The following VPS13C variants were observed in gnomAD, a reference collection of about 807,000 sequenced individuals.
VPS13C encodes the protein vacuolar protein sorting 13 homolog C, also known as intermembrane lipid transfer protein VPS13C.
Under a neutral mutation model 456.8 loss-of-function variants are expected in VPS13C, and 358 were observed. That is an observed-to-expected ratio of 0.78 (90% CI 0.72 to 0.86). The LOEUF (loss-of-function observed/expected upper bound fraction) is 0.86. VPS13C is among the 40% of genes least tolerant of loss of function. The pLI is 0.00. For missense variants in VPS13C, 4,818 were observed against 4,385.4 expected (o/e 1.10, Z -2.79); for synonymous variants, 1,578 against 1,486.7 (o/e 1.06, Z -1.41).
At position 61,962,828 on chromosome 15, in the gene VPS13C, T is replaced by C; in HGVS notation, c.3356A>G (p.Gln1119Arg). 6.2e-7 allele frequency: 1 copy of C among 1,605,532 alleles called. No homozygotes were observed. Among genetic ancestry groups the C allele is most frequent in the Non-Finnish European group, 8.5e-7 (1 of 1,174,680 alleles). ...IQGLDSSLSL[Q>R]SRKQSLFARL... ...GGCAAAAAGTGACTGCTTTCTTGACTGGAGAGAAAGGGAGGAATCCAGTCC... is the reference window on the plus strand; with the variant it reads ...GGCAAAAAGTGACTGCTTTCTTGACCGGAGAGAAAGGGAGGAATCCAGTCC... The change falls in exon 33 of 85, where the codon CAG (glutamine) becomes CGG (arginine). Residue 1119 changes from glutamine to arginine, a missense_variant. By Grantham distance (43) the Gln-to-Arg change is conservative (BLOSUM62 1). Around this residue, in one of 3 missense-constraint regions of VPS13C, gnomAD observed 4,552 missense variants for 4,130.6 expected, o/e 1.10. Transcript: ENST00000644861.
chr15:62,001,897 T>A (rs913392650), intron 15 of VPS13C, among the ~76,000 whole-genome samples: 3 of 152,240 alleles, frequency 2.0e-5, no homozygotes, highest in African/African-American at 7.2e-5. Context: ...ATGTGCCACA[T>A]TTTCTTAATC....
intron 14 of VPS13C, among the ~76,000 whole-genome samples, chr15:62,007,783 T>A (rs899243710): frequency 6.6e-6 from 1 of 152,178 alleles, no homozygotes; most frequent in Non-Finnish European, 1.5e-5. Flanking sequence ...ATAAAACTTT[T>A]ATAAAAATGT....
At chr15:61,963,998 C>T (rs1295514064) in intron 31 of VPS13C, 47 bp from the exon 32 acceptor site, 1 of 1,256,008 alleles carries the variant, frequency 8.0e-7, no homozygotes, top group Admixed American at 1.9e-5. Flanking sequence ...TTCTAGTCAT[C>T]TACATTCTTT....
At chr15:61,859,058 A>G (rs1249796912) in intron 82 of VPS13C, among the ~76,000 whole-genome samples, 1 of 152,208 alleles carries the variant, frequency 6.6e-6, no homozygotes, top group African/African-American at 2.4e-5. Flanking sequence ...GTGAGAAGCT[A>G]CAAGTGATAT....
At chr15:61,923,193 G>A (rs2043718273) in intron 53 of VPS13C, among the ~76,000 whole-genome samples, 1 of 144,476 alleles carries the variant, frequency 6.9e-6, no homozygotes, top group Non-Finnish European at 1.5e-5. Flanking sequence ...ATATCGGTAT[G>A]CAACAAGATC....
intron 67 of VPS13C, among the ~76,000 whole-genome samples, chr15:61,884,912 C>T (rs962211123): frequency 6.6e-6 from 1 of 152,026 alleles, no homozygotes; most frequent in East Asian, 1.9e-4. Context: ...CTATTAAATT[C>T]TTCTCTTGAT....
chr15:61,964,622 T>C (rs1163004932), intron 31 of VPS13C, 77 bp downstream of exon 31: 8 of 1,332,134 alleles, frequency 6.0e-6, no homozygotes, highest in African/African-American at 4.4e-5. Context: ...CTGAGTCAGA[T>C]AGTCTCTAGT....
chr15:61,875,828 A>G lies in VPS13C; in HGVS notation c.10242T>C (p.Tyr3414=). 1 of 1,591,402 alleles carries G rather than the reference A, an allele frequency of 6.3e-7. No individual in the cohort carries two copies. Among genetic ancestry groups the G allele is most frequent in the Non-Finnish European group, 8.5e-7 (1 of 1,173,426 alleles). The change falls in exon 76 of 85, where the codon TAT becomes TAC. Residue 3414 remains tyrosine (Y), a synonymous_variant. Coordinates refer to ENST00000644861, the MANE Select transcript of VPS13C (RefSeq NM_020821.3). ...GTACATCTAACCCCAATACAAGGAC[A>G]TACATCTGTTTCAAGAACTAAAAAA... The part of the protein sequence containing the change: ...HYSEQFLKQM[Y]VLVLGLDVLG...
chr15:61,866,577 T>C, intron 81 of VPS13C: 1 of 985,126 alleles, frequency 1.0e-6, no homozygotes, highest in South Asian at 4.7e-5. Flanking sequence ...CTTGAATTAG[T>C]TATTTGTGCT....
intron 3 of VPS13C, among the ~76,000 whole-genome samples, 168 bp downstream of exon 3, chr15:62,041,156 C>T (rs964021312): frequency 9.2e-5 from 14 of 152,066 alleles, no homozygotes; most frequent in African/African-American, 2.7e-4. Context: ...GAAGTATGTA[C>T]GTTTTATATA....
Position 61,983,155 on chromosome 15 carries a change from T to C in VPS13C, c.1915-582A>G, listed in dbSNP as rs1048056400. On this transcript the variant is annotated intron_variant, in intron 20 of 84. Coordinates refer to ENST00000644861, the MANE Select transcript of VPS13C (RefSeq NM_020821.3). Reference sequence around the variant, plus strand: ...TTTTTTAATTATAAAATATAAGGAGTTCTGCAGTCTTTATATGCTGTCCCC... The same window carrying C: ...TTTTTTAATTATAAAATATAAGGAGCTCTGCAGTCTTTATATGCTGTCCCC... 7.9e-5 allele frequency among the ~76,000 whole-genome samples: 12 copies of C among 152,068 alleles called. 1 individual carries two copies. Among genetic ancestry groups the C allele is most frequent in the African/African-American group, 2.7e-4 (11 of 41,496 alleles).
chr15:62,035,053 C>A lies in VPS13C; in HGVS notation c.188-1G>T. 6.3e-7 allele frequency: 1 copy of A among 1,595,810 alleles called. No individual in the cohort carries two copies. Among genetic ancestry groups the A allele is most frequent in the South Asian group, 1.1e-5 (1 of 88,908 alleles). The stretch of plus-strand genomic sequence containing the variant: ...CAAGGAATCTTCAAAGTTAATTTAT[C>A]TAAGGAAACATAATTTCAACCTTAA... On this transcript the variant is annotated splice_acceptor_variant, in intron 3 of 84. Transcript: ENST00000644861. LOFTEE classifies it high-confidence loss of function.
rs537503104 is a variant in VPS13C, at chr15:61,860,537, A to G, written c.10952+2903T>C. ...AAGATTTGGTTACAAATAAATAACA[A>G]TAAGATACTAGGGAAAAAATGTCCA... is the stretch of plus-strand genomic sequence containing the variant. On this transcript the variant is annotated intron_variant, in intron 82 of 84. Transcript: ENST00000644861. Among the ~76,000 whole-genome samples, 9 of 152,190 alleles carry G rather than the reference A, an allele frequency of 5.9e-5. No individual in the cohort carries two copies. In the East Asian group the frequency reaches 1.6e-3, roughly 26 times the overall value.
chr15:62,023,995 A>G (rs2047550563), intron 6 of VPS13C, 150 bp from the exon 7 acceptor site: 2 of 508,240 alleles, frequency 3.9e-6, no homozygotes, highest in African/African-American at 3.8e-5. Flanking sequence ...ACTTCAATAT[A>G]AAGACAAATT....
intron 72 of VPS13C, 34 bp from the exon 73 acceptor site, chr15:61,880,756 A>T (rs1416985053): frequency 5.2e-6 from 8 of 1,536,890 alleles, no homozygotes; most frequent in Non-Finnish European, 7.0e-6. Flanking sequence ...TTCTATTTTA[A>T]TTTTTTTCTC....
intron 8 of VPS13C, among the ~76,000 whole-genome samples, chr15:62,020,870 A>T (rs78465010): frequency 0.028 from 4,313 of 152,078 alleles, 221 homozygotes; most frequent in African/African-American, 0.098. Flanking sequence ...TTTTTCACAG[A>T]TAAATTTTAA....
At chr15:62,014,525 C>G (rs1486016642) in intron 9 of VPS13C, among the ~76,000 whole-genome samples, 1 of 151,856 alleles carries the variant, frequency 6.6e-6, no homozygotes, top group African/African-American at 2.4e-5. Flanking sequence ...AAAATGAGAT[C>G]CAGATCAGAG....
At chr15:61,876,833 C>A in intron 75 of VPS13C, 140 bp downstream of exon 75, 1 of 554,218 alleles carries the variant, frequency 1.8e-6, no homozygotes, top group Non-Finnish European at 2.9e-6. Flanking sequence ...AGAAATTAAT[C>A]ATTGAAGAAA....
intron 66 of VPS13C, among the ~76,000 whole-genome samples, chr15:61,905,780 A>T (rs1372058530): frequency 6.6e-6 from 1 of 152,172 alleles, no homozygotes; most frequent in East Asian, 1.9e-4. Flanking sequence ...AAAAAGATAT[A>T]ATCTTTGTCA....
Sources: allele counts gnomAD v4.1 joint callset (sites outside exome capture counted in the v4.1 genomes callset), GRCh38; gene constraint gnomAD v4.1.1; regional missense constraint gnomAD v4.1.1; transcripts MANE v1.5; gene names NCBI Gene and HGNC (gene_info 2026-07-23, HGNC 2026-07-21).